Variants in NPR3 observed in about 807,000 individuals in gnomAD.
The protein encoded by NPR3 is atrial natriuretic peptide receptor 3.
In NPR3, 34 loss-of-function variants were observed where a neutral mutation model predicts 54.5. The observed-to-expected ratio is 0.62, with a 90% CI of 0.47 to 0.83. The LOEUF is 0.83. NPR3 is among the 40% of genes least tolerant of loss of function. NPR3 has a pLI of 0.00. For synonymous variants in NPR3, 289 were observed against 297.1 expected (o/e 0.97, Z 0.28); for missense variants, 674 against 720.8 (o/e 0.94, Z 0.74).
Position 32,790,355 on chromosome 5 carries a change from CA to C in NPR3, c.*4011del, listed in dbSNP as rs1742846233. The C allele has an allele frequency of 2.0e-5, 3 of 149,344 alleles. No individual in the cohort carries two copies. The highest frequency in any genetic ancestry group is 1.3e-4 in the African/African-American group (3 of 23,604). The allele number at this position is 149,344 out of a possible 1,614,324, so 9.3% of individuals were successfully genotyped here. On this transcript the variant is annotated 3_prime_UTR_variant, in exon 8 of 8. Coordinates refer to ENST00000265074, the MANE Select transcript of NPR3 (RefSeq NM_001204375.2). ...GTCTTTACTGCCCCTTCTGCCCCTC[CA>C]CCCACATCCACATTCAGCATCACTC...
At chr5:32,746,714 T>TA (rs1740320150) in intron 3 of NPR3, among the ~76,000 whole-genome samples, 2 of 152,250 alleles carry the variant, frequency 1.3e-5, no homozygotes, top group Non-Finnish European at 2.9e-5. Flanking sequence ...CTATTTCTCA[T>TA]GTTAGACTGA....
At chr5:32,751,456 C>CA (rs1740570758) in intron 3 of NPR3, among the ~76,000 whole-genome samples, 1 of 152,144 alleles carries the variant, frequency 6.6e-6, no homozygotes, top group African/African-American at 2.4e-5. Flanking sequence ...TGACTGTGGC[C>CA]AAGCCTTGTT....
At chr5:32,721,576 T>C (rs577802160) in intron 1 of NPR3, among the ~76,000 whole-genome samples, 1 of 152,170 alleles carries the variant, frequency 6.6e-6, no homozygotes, top group Non-Finnish European at 1.5e-5. Context: ...GCCCAGGAGA[T>C]GGAGGTTGCA....
chr5:32,735,412 CTA>C lies in NPR3; in HGVS notation c.893-3450_893-3449del, dbSNP rs143654533. On this transcript the variant is annotated intron_variant, in intron 2 of 7. Transcript: ENST00000265074. ...TGCTCTGCCTTTGTTCTCAAGGGCT[CTA>C]TCTCTTTTTTTTATAATAAAAGTCA... Among the ~76,000 whole-genome samples, 1,346 of 147,948 alleles carry C rather than the reference CTA, an allele frequency of 9.1e-3. 20 individuals carry two copies. Among genetic ancestry groups the C allele is most frequent in the African/African-American group, 0.032 (1,271 of 40,006 alleles).
intron 4 of NPR3, among the ~76,000 whole-genome samples, chr5:32,776,912 G>A (rs1742079939): frequency 6.6e-6 from 1 of 152,158 alleles, no homozygotes; most frequent in African/African-American, 2.4e-5. Flanking sequence ...GTCTCTGAGA[G>A]TGAAGTTGAG....
chr5:32,705,265 T>G (rs1184149726), upstream of NPR3, among the ~76,000 whole-genome samples: 2 of 152,226 alleles, frequency 1.3e-5, no homozygotes, highest in African/African-American at 4.8e-5. Context: ...ATGTTGATAA[T>G]GAAGCCCACA....
upstream of NPR3, among the ~76,000 whole-genome samples, chr5:32,707,351 T>C (rs777435265): frequency 3.0e-4 from 45 of 152,184 alleles, 1 homozygote; most frequent in Middle Eastern, 0.014. Context: ...AAATAATAGA[T>C]TTATATAATA....
At chr5:32,692,395 G>A (rs900980989) in intron 1 of NPR3, among the ~76,000 whole-genome samples, 2 of 152,108 alleles carry the variant, frequency 1.3e-5, no homozygotes, top group African/African-American at 2.4e-5. Flanking sequence ...TAATAAAAAG[G>A]CTGACAAGAG....
intron 2 of NPR3, among the ~76,000 whole-genome samples, chr5:32,729,023 T>G (rs1464046615): frequency 3.0e-5 from 3 of 101,656 alleles, no homozygotes; most frequent in African/African-American, 4.7e-5. Flanking sequence ...TGTTTTTTTT[T>G]TTTTTTGTTT....
At position 32,712,052 on chromosome 5, in the gene NPR3, T is replaced by A; in HGVS notation, c.276T>A (p.Leu92=). The stretch of plus-strand genomic sequence containing the variant: ...AGGGCAACGGGACTGGGAGGCGGCT[T>A]CTGCCGCCGGGCACTCGCTTCCAGG... ...SVEGNGTGRR[L]LPPGTRFQVA... Residue 92 remains leucine (L), a synonymous_variant, in exon 1 of 8, where the codon CTT becomes CTA. Transcript: ENST00000265074. 6.2e-7 allele frequency: 1 copy of A among 1,613,804 alleles called. No individual in the cohort carries two copies. The highest frequency in any genetic ancestry group is 8.5e-7 in the Non-Finnish European group (1 of 1,179,802).
rs753434456 is a variant in NPR3 at position 32,739,019 on chromosome 5, A to G, written c.1048A>G (p.Met350Val). Residue 350 changes from methionine to valine, a missense_variant, in exon 3 of 8, where the codon ATG (methionine) becomes GTG (valine). Transcript: ENST00000265074. ...KSSVEKQGLN[M>V]EDYVNMFVEG... The stretch of plus-strand genomic sequence containing the variant: ...TTCAGTTGAGAAACAAGGGCTCAAT[A>G]TGGAGGATTACGTAAGTGCCTGATT... The G allele has an allele frequency of 6.2e-7, 1 of 1,613,878 alleles. No individual in the cohort carries two copies.
chr5:32,700,642 T>C (rs992940872), intron 1 of NPR3, among the ~76,000 whole-genome samples: 5 of 151,618 alleles, frequency 3.3e-5, no homozygotes, highest in African/African-American at 4.8e-5. Flanking sequence ...TGAGAACATG[T>C]GGTGTTTGGT....
At chr5:32,705,802 C>T (rs755881589), upstream of NPR3, among the ~76,000 whole-genome samples, 17 of 152,098 alleles carry the variant, frequency 1.1e-4, no homozygotes, top group African/African-American at 2.4e-4. Context: ...CAATAATCAA[C>T]GCCATAGATA....
rs1742715553 is a variant in NPR3 at position 32,787,826 on chromosome 5, TGA to T, written c.*1485_*1486del. 6.6e-6 allele frequency: 1 copy of T among 152,216 alleles called. No homozygotes were observed. Among genetic ancestry groups the T allele is most frequent in the African/African-American group, 2.4e-5 (1 of 41,454 alleles). 9.4% of individuals were successfully genotyped at this position (152,216 alleles called of 1,614,324 possible). Reference sequence around the variant, plus strand: ...GTGAGGGAGGAATGGGAAGCTGTCATGAGAGTGCACCGTCTTGGAATTACATA... The same window carrying T: ...GTGAGGGAGGAATGGGAAGCTGTCATGAGTGCACCGTCTTGGAATTACATA... On this transcript the variant is annotated 3_prime_UTR_variant, in exon 8 of 8. Coordinates refer to ENST00000265074, the MANE Select transcript of NPR3 (RefSeq NM_001204375.2).
At chr5:32,764,095 A>G (rs1741317846) in intron 3 of NPR3, among the ~76,000 whole-genome samples, 1 of 152,184 alleles carries the variant, frequency 6.6e-6, no homozygotes, top group Non-Finnish European at 1.5e-5. Flanking sequence ...TCTTCCGCAC[A>G]GAGGGCAGCA....
chr5:32,692,844 G>A (rs1021571229), intron 1 of NPR3, among the ~76,000 whole-genome samples: 9 of 152,218 alleles, frequency 5.9e-5, no homozygotes, highest in Non-Finnish European at 1.2e-4. Context: ...GTATGGATTG[G>A]GGGTGGTGGC....
chr5:32,746,374 A>C (rs556027799), intron 3 of NPR3, among the ~76,000 whole-genome samples: 2 of 152,282 alleles, frequency 1.3e-5, no homozygotes, highest in South Asian at 4.1e-4. Flanking sequence ...CAGTGTAGCA[A>C]AAAGTAGAAA....
chr5:32,750,932 A>G (rs192631804), intron 3 of NPR3, among the ~76,000 whole-genome samples: 1 of 152,310 alleles, frequency 6.6e-6, no homozygotes, highest in East Asian at 1.9e-4. Flanking sequence ...GGTGTCTTGC[A>G]GGTTTGTCAT....
At chr5:32,715,595 A>T (rs2111857059) in intron 1 of NPR3, among the ~76,000 whole-genome samples, 1 of 152,314 alleles carries the variant, frequency 6.6e-6, no homozygotes, top group East Asian at 1.9e-4. Context: ...ACCTGAGCCT[A>T]TATTATTTTT....
Sources: allele counts gnomAD v4.1 joint callset (sites outside exome capture counted in the v4.1 genomes callset), GRCh38; gene constraint gnomAD v4.1.1; transcripts MANE v1.5; gene names NCBI Gene and HGNC (gene_info 2026-07-23, HGNC 2026-07-21).